The following SEZ6 variants were observed in gnomAD, a reference collection of about 807,000 sequenced individuals.
The protein encoded by SEZ6 is seizure protein 6 homolog.
Under a neutral mutation model 101.0 loss-of-function variants are expected in SEZ6, and 53 were observed. The observed-to-expected ratio is 0.52, with a 90% CI of 0.42 to 0.66. SEZ6 has a LOEUF of 0.66. Among genes scored for constraint, SEZ6 ranks in the 30% least tolerant of loss-of-function variants. SEZ6 has a pLI of 0.00. For synonymous variants in SEZ6, 488 were observed against 512.2 expected, an observed-to-expected ratio of 0.95 and a Z score of 0.64; for missense variants, 1,102 against 1,289.4, an observed-to-expected ratio of 0.85 and a Z score of 2.23.
chr17:28,985,319 G>A (rs1248779123), intron 1 of SEZ6, among the ~76,000 whole-genome samples: 1 of 152,210 alleles, frequency 6.6e-6, no homozygotes, highest in South Asian at 2.1e-4. Context: ...GGTCGAGCAG[G>A]CCCTCAGGAA....
chr17:28,981,194 C>T (rs919751928), intron 2 of SEZ6, among the ~76,000 whole-genome samples, 177 bp downstream of exon 2: 1 of 152,266 alleles, frequency 6.6e-6, no homozygotes, highest in Non-Finnish European at 1.5e-5. Flanking sequence ...CTGTACTTGG[C>T]TGAAGAATCA....
intron 3 of SEZ6, among the ~76,000 whole-genome samples, chr17:28,971,392 AG>A (rs1413078369): frequency 2.0e-5 from 3 of 152,116 alleles, no homozygotes; most frequent in Non-Finnish European, 2.9e-5. Flanking sequence ...CAGGATTTCA[AG>A]ACCAGCCTGA....
At chr17:28,981,222 T>C in intron 2 of SEZ6, 149 bp downstream of exon 2, 1 of 1,361,816 alleles carries the variant, frequency 7.3e-7, no homozygotes, top group Non-Finnish European at 9.7e-7. Flanking sequence ...AGCTCAGGTC[T>C]ATCTGGGTCC....
At chr17:29,006,318 C>G (rs1023052602), upstream of SEZ6, 1 of 152,866 alleles carries the variant, frequency 6.5e-6, no homozygotes, top group African/African-American at 2.4e-5. Flanking sequence ...TGAGAAAGAG[C>G]AACACTTTCC....
chr17:28,960,870 C>T lies in SEZ6; in HGVS notation c.1344G>A (p.Glu448=). The change falls in exon 6 of 17, where the codon GAG becomes GAA. Residue 448 remains glutamate, a synonymous_variant. Coordinates refer to ENST00000317338, the MANE Select transcript of SEZ6 (RefSeq NM_178860.5). ...GGTGTAGCCGCTGGCCCTCAGGAGC[C>T]TCAAGCAGCCAGTGACAGGTGAGGT... ...SNNLTCHWLL[E]APEGQRLHLH... 6.2e-7 allele frequency: 1 copy of T among 1,613,976 alleles called. No homozygotes were observed. Among genetic ancestry groups the T allele is most frequent in the Non-Finnish European group, 8.5e-7 (1 of 1,179,860 alleles).
intron 1 of SEZ6, among the ~76,000 whole-genome samples, chr17:29,001,432 G>C (rs1320947007): frequency 1.3e-5 from 2 of 152,220 alleles, no homozygotes; most frequent in Non-Finnish European, 2.9e-5. Flanking sequence ...GAGCACAGAA[G>C]AGTCCTCTGA....
chr17:28,957,407 G>GT lies in SEZ6; in HGVS notation c.2434dup (p.Thr812AsnfsTer4). On this transcript the variant is annotated frameshift_variant, in exon 12 of 17. Transcript: ENST00000317338. LOFTEE classifies it high-confidence loss of function. ...GCTGCCAGCCTGGCGATCATGGCAG[G>GT]TGAGGATGGAGCTGCCCATCAGCAC... 6.2e-7 allele frequency: 1 copy of GT among 1,613,824 alleles called. No homozygotes were observed. Among genetic ancestry groups the GT allele is most frequent in the Non-Finnish European group, 8.5e-7 (1 of 1,179,744 alleles).
At position 28,982,601 on chromosome 17, in the gene SEZ6, C is replaced by T. The variant is rs190041712; in HGVS notation, c.56-562G>A. On this transcript the variant is annotated intron_variant, in intron 1 of 16. Transcript: ENST00000317338. Reference sequence around the variant, plus strand: ...TGCTGGTCATTAGCCTCAGGAAATGCGTCACATATTTGGGATTTTATTTTA... The same window carrying T: ...TGCTGGTCATTAGCCTCAGGAAATGTGTCACATATTTGGGATTTTATTTTA... 1.6e-3 allele frequency among the ~76,000 whole-genome samples: 239 copies of T among 152,234 alleles called. 1 individual carries two copies. Among genetic ancestry groups the T allele is most frequent in the African/African-American group, 5.4e-3 (226 of 41,530 alleles).
At chr17:29,000,045 G>A (rs1464718865) in intron 1 of SEZ6, among the ~76,000 whole-genome samples, 3 of 152,184 alleles carry the variant, frequency 2.0e-5, no homozygotes, top group Non-Finnish European at 4.4e-5. Flanking sequence ...ATTAATAAAA[G>A]GCAGATAATA....
chr17:28,974,809 A>G (rs998538425), intron 3 of SEZ6, among the ~76,000 whole-genome samples: 1 of 152,210 alleles, frequency 6.6e-6, no homozygotes, highest in African/African-American at 2.4e-5. Context: ...CCTGACAGGT[A>G]CCGGTCTCCG....
rs759828625 is a variant in SEZ6 at position 28,957,079 on chromosome 17, C to T, written c.2658G>A (p.Ser886=). ...AGATGGGTGGGGGGTCACTCCAATG[C>T]GAGGGGTGCCCAGGCACACACTTGA... ...ASIKCVPGHP[S]HWSDPPPICR... is the part of the protein sequence containing the mutation. Residue 886 remains serine (S), a synonymous_variant, in exon 13 of 17, where the codon TCG becomes TCA. Transcript: ENST00000317338. The T allele has an allele frequency of 1.8e-5, 29 of 1,606,732 alleles. No homozygotes were observed. Among genetic ancestry groups the T allele is most frequent in the Non-Finnish European group, 2.0e-5 (24 of 1,175,070 alleles).
chr17:28,958,544 C>G (rs1435690512), intron 10 of SEZ6, among the ~76,000 whole-genome samples: 1 of 152,126 alleles, frequency 6.6e-6, no homozygotes. Flanking sequence ...AATGCCAGCA[C>G]TTTGGGAGGC....
At chr17:28,976,942 G>T (rs569659366) in intron 3 of SEZ6, among the ~76,000 whole-genome samples, 6 of 152,272 alleles carry the variant, frequency 3.9e-5, no homozygotes, top group African/African-American at 1.4e-4. Flanking sequence ...CCCCATCCCT[G>T]CCAGCACTGG....
At chr17:28,968,659 G>A (rs1480590443) in intron 4 of SEZ6, among the ~76,000 whole-genome samples, 1 of 152,184 alleles carries the variant, frequency 6.6e-6, no homozygotes, top group Admixed American at 6.6e-5. Context: ...AGTTTGGGTG[G>A]AGGGGTGAGG....
In SEZ6 at chr17:28,979,807, C is replaced by T; in HGVS notation, c.731G>A (p.Cys244Tyr). ...TITTVQTPGPCSWNFSGPEGS... is the reference protein window; with the variant it reads ...TITTVQTPGPYSWNFSGPEGS... ...CTCTGGGCCTGAGAAATTCCAGCTA[C>T]AAGGGCCTGGGAGGCAGGAGGAGAC... Residue 244 changes from cysteine (C) to tyrosine (Y), a missense_variant, in exon 3 of 17, where the codon TGT becomes TAT. Coordinates refer to ENST00000317338, the MANE Select transcript of SEZ6 (RefSeq NM_178860.5). 6.2e-7 allele frequency: 1 copy of T among 1,609,718 alleles called. No homozygotes were observed. Among genetic ancestry groups the T allele is most frequent in the Middle Eastern group, 1.7e-4 (1 of 6,046 alleles).
At chr17:28,986,619 G>T (rs566078263) in intron 1 of SEZ6, among the ~76,000 whole-genome samples, 172 of 152,246 alleles carry the variant, frequency 1.1e-3, no homozygotes, top group Non-Finnish European at 1.8e-3. Context: ...CAGCCTGGGG[G>T]AACCGCCGAA....
At position 28,959,911 on chromosome 17, in the gene SEZ6, A is replaced by G. The variant is rs1286579746; in HGVS notation, c.1577-19T>C. The G allele has an allele frequency of 6.3e-7, 1 of 1,587,596 alleles. No homozygotes were observed. The highest frequency in any genetic ancestry group is 2.3e-5 in the East Asian group (1 of 43,460). Reference sequence around the variant, plus strand: ...TGGAAGGCTGTAAACCACAGGTCCCAGCCCAGCTCAGCCTTGACTGGTATT... The same window carrying G: ...TGGAAGGCTGTAAACCACAGGTCCCGGCCCAGCTCAGCCTTGACTGGTATT... On this transcript the variant is annotated intron_variant, in intron 7 of 16. Coordinates refer to ENST00000317338, the MANE Select transcript of SEZ6 (RefSeq NM_178860.5). This position sits in a 1 kb window ranked among gnomAD's most constrained non-coding sequence, Gnocchi z 4.4.
In SEZ6 at chr17:28,997,811, C is replaced by A. The variant is rs1400180074; in HGVS notation, c.55+8004G>T. ...GGAAACTGAGGCTTGGGGTGTGACA[C>A]AACTTGCCCAAGGTCACACAGCCAG... On this transcript the variant is annotated intron_variant, in intron 1 of 16. Transcript: ENST00000317338. Among the ~76,000 whole-genome samples the A allele has an allele frequency of 2.6e-5, 4 of 152,260 alleles. No individual in the cohort carries two copies. In the South Asian group the frequency reaches 6.2e-4, roughly 24 times the overall value.
At chr17:28,975,143 G>A (rs1325103022) in intron 3 of SEZ6, among the ~76,000 whole-genome samples, 1 of 152,242 alleles carries the variant, frequency 6.6e-6, no homozygotes, top group Non-Finnish European at 1.5e-5. Context: ...GGCATTTGCA[G>A]CAGAAATGAT....
Sources: allele counts gnomAD v4.1 joint callset (sites outside exome capture counted in the v4.1 genomes callset), GRCh38; gene constraint gnomAD v4.1.1; non-coding constraint Gnocchi (gnomAD v3.1); transcripts MANE v1.5; gene names NCBI Gene and HGNC (gene_info 2026-07-23, HGNC 2026-07-21).